The following SCAI variants were observed in gnomAD, a reference collection of about 807,000 sequenced individuals.
SCAI encodes protein SCAI.
A neutral mutation model predicts 92.2 loss-of-function variants in SCAI; 24 were observed. The observed-to-expected ratio is 0.26, with a 90% CI of 0.19 to 0.37. SCAI has a LOEUF of 0.37. Among genes scored for constraint, SCAI ranks in the 10% least tolerant of loss-of-function variants. The pLI is 1.00. For synonymous variants in SCAI, 261 were observed against 258.6 expected, an observed-to-expected ratio of 1.01 and a Z score of -0.09; for missense variants, 450 against 736.2, an observed-to-expected ratio of 0.61 and a Z score of 4.50.
In SCAI at chr9:125,091,381, C is replaced by G. The variant is rs1203217492; in HGVS notation, c.99-35374G>C. The stretch of plus-strand genomic sequence containing the variant: ...GGAATTAAGGTCTGTAATTTTCAAC[C>G]AAGAACCTTTCCTGGAACAATGCCG... On this transcript the variant is annotated intron_variant, in intron 2 of 17. Transcript: ENST00000336505. This position sits in a 1 kb window ranked among gnomAD's most constrained non-coding sequence, Gnocchi z 4.3. Among the ~76,000 whole-genome samples, 1 of 152,092 alleles carries G rather than the reference C, an allele frequency of 6.6e-6. No homozygotes were observed. The highest frequency in any genetic ancestry group is 1.5e-5 in the Non-Finnish European group (1 of 68,026).
intron 17 of SCAI, among the ~76,000 whole-genome samples, chr9:124,967,129 T>C (rs369516575): frequency 3.6e-4 from 55 of 152,256 alleles, no homozygotes; most frequent in African/African-American, 1.3e-3. Context: ...AATGAGGTAA[T>C]ATGGTATAAT....
At chr9:125,109,301 G>T (rs1834885052) in intron 2 of SCAI, among the ~76,000 whole-genome samples, 1 of 151,790 alleles carries the variant, frequency 6.6e-6, no homozygotes, top group Non-Finnish European at 1.5e-5. Flanking sequence ...CTCCACTATT[G>T]TCCTATGACC....
chr9:125,079,521 G>C lies in SCAI; in HGVS notation c.99-23514C>G, dbSNP rs567627856. ...AGTAAATAATTTTTCACACTTACTA[G>C]TTAAATGCTATACTGCCTAATCAAA... On this transcript the variant is annotated intron_variant, in intron 2 of 17. Coordinates refer to ENST00000336505, the MANE Select transcript of SCAI (RefSeq NM_001144877.3). 2.0e-5 allele frequency among the ~76,000 whole-genome samples: 3 copies of C among 152,042 alleles called. 1 individual carries two copies. In the South Asian group the frequency reaches 6.2e-4, roughly 31 times the overall value.
intron 17 of SCAI, among the ~76,000 whole-genome samples, chr9:124,963,194 T>C (rs1212778299): frequency 6.6e-6 from 1 of 151,266 alleles, no homozygotes; most frequent in African/African-American, 2.4e-5. Context: ...TGGAGTACAA[T>C]GGTGCAATCT....
In SCAI at chr9:125,091,785, A is replaced by G. The variant is rs151140743; in HGVS notation, c.99-35778T>C. On this transcript the variant is annotated intron_variant, in intron 2 of 17. Coordinates refer to ENST00000336505, the MANE Select transcript of SCAI (RefSeq NM_001144877.3). This position sits in a 1 kb window ranked among gnomAD's most constrained non-coding sequence, Gnocchi z 4.3. Reference sequence around the variant, plus strand: ...ATCTCATCCGCCATCCCCACTTTTCAGCTGATGGCAATTGTTTTATATTTC... The same window carrying G: ...ATCTCATCCGCCATCCCCACTTTTCGGCTGATGGCAATTGTTTTATATTTC... 6.3e-3 allele frequency among the ~76,000 whole-genome samples: 953 copies of G among 152,052 alleles called. 12 individuals carry two copies. Among genetic ancestry groups the G allele is most frequent in the African/African-American group, 0.021 (891 of 41,486 alleles).
At chr9:124,998,417 C>T (rs1427257008) in intron 13 of SCAI, among the ~76,000 whole-genome samples, 1 of 151,880 alleles carries the variant, frequency 6.6e-6, no homozygotes, top group African/African-American at 2.4e-5. Flanking sequence ...CGTGCCACTG[C>T]ACTCTAGCCT....
chr9:124,997,012 A>G (rs939847908), intron 13 of SCAI, among the ~76,000 whole-genome samples: 1 of 152,042 alleles, frequency 6.6e-6, no homozygotes, highest in Admixed American at 6.6e-5. Flanking sequence ...CCCTTTAACC[A>G]ACATCTCCCT....
chr9:124,975,741 A>G (rs1383913955), intron 15 of SCAI, among the ~76,000 whole-genome samples: 2 of 152,232 alleles, frequency 1.3e-5, no homozygotes, highest in Non-Finnish European at 2.9e-5. Flanking sequence ...AAGTCTTAAA[A>G]GATGCCTTGG....
chr9:125,126,026 A>G (rs986919475), intron 2 of SCAI, among the ~76,000 whole-genome samples: 9 of 151,976 alleles, frequency 5.9e-5, no homozygotes, highest in African/African-American at 2.2e-4. Context: ...CTTGGGTACA[A>G]TGAAGCCAGT....
intron 2 of SCAI, among the ~76,000 whole-genome samples, chr9:125,106,722 C>CT (rs34740170): frequency 0.024 from 2,673 of 113,300 alleles, 47 homozygotes; most frequent in Non-Finnish European, 0.033. Flanking sequence ...TTTTCTTTTC[C>CT]TTTTTTTTTT....
Position 124,951,751 on chromosome 9 carries a change from A to G in SCAI, c.*1056T>C, listed in dbSNP as rs758611104. ...AGGGAAGGAAAACACAAAAAAGAAA[A>G]ATCTTTATAATATACACTGAGTCCT... On this transcript the variant is annotated 3_prime_UTR_variant, in exon 18 of 18. Transcript: ENST00000336505. The G allele has an allele frequency of 6.6e-5, 10 of 152,138 alleles. No individual in the cohort carries two copies. Among genetic ancestry groups the G allele is most frequent in the Non-Finnish European group, 1.5e-4 (10 of 68,008 alleles). The allele number at this position is 152,138 out of a possible 1,614,324, so 9.4% of individuals were successfully genotyped here.
In SCAI at chr9:124,943,533, A is replaced by G. The variant is rs1353185986; in HGVS notation, c.*9274T>C. On this transcript the variant is annotated 3_prime_UTR_variant, in exon 18 of 18. Coordinates refer to ENST00000336505, the MANE Select transcript of SCAI (RefSeq NM_001144877.3). ...TCTTGAGGAGAGCTAATATAACTCT[A>G]TAATCCCTATAGTGTTAAAATTCTA... 6.6e-6 allele frequency: 1 copy of G among 152,242 alleles called. No homozygotes were observed. Among genetic ancestry groups the G allele is most frequent in the Non-Finnish European group, 1.5e-5 (1 of 68,038 alleles). The allele number at this position is 152,242 out of a possible 1,614,324, so 9.4% of individuals were successfully genotyped here. A position where few individuals can be genotyped will look rare whatever the true frequency, so the allele number is the denominator to read the frequency against.
intron 2 of SCAI, among the ~76,000 whole-genome samples, chr9:125,115,422 C>T (rs2131239578): frequency 7.2e-6 from 1 of 138,766 alleles, no homozygotes; most frequent in Non-Finnish European, 1.6e-5. Context: ...CACCAGAGTA[C>T]ACTTTCTAAA....
intron 9 of SCAI, among the ~76,000 whole-genome samples, chr9:125,005,574 A>G (rs994940431): frequency 6.6e-6 from 1 of 151,612 alleles, no homozygotes; most frequent in Non-Finnish European, 1.5e-5. Flanking sequence ...CAGATGACCC[A>G]CCTGCCTCGG....
At chr9:125,097,506 CAA>C (rs1426501638) in intron 2 of SCAI, among the ~76,000 whole-genome samples, 3 of 151,622 alleles carry the variant, frequency 2.0e-5, no homozygotes, top group Admixed American at 2.0e-4. Flanking sequence ...TTGAACTCCC[CAA>C]AGAGTTTAAA....
chr9:125,029,235 C>T (rs960939376), intron 4 of SCAI, among the ~76,000 whole-genome samples: 2 of 152,134 alleles, frequency 1.3e-5, no homozygotes, highest in South Asian at 4.1e-4. Flanking sequence ...GATTCTCGTG[C>T]CACAGCCTCC....
At chr9:124,965,974 T>C (rs1264108514) in intron 17 of SCAI, among the ~76,000 whole-genome samples, 1 of 152,178 alleles carries the variant, frequency 6.6e-6, no homozygotes, top group Non-Finnish European at 1.5e-5. Flanking sequence ...ATGACAGGCA[T>C]TCTAAGCAGT....
intron 5 of SCAI, 48 bp from the exon 6 acceptor site, chr9:125,026,958 C>T (rs1188539307): frequency 8.8e-7 from 1 of 1,132,932 alleles, no homozygotes. Context: ...AGAGACTCTT[C>T]ACCATGGTAA....
rs577998126 is a variant in SCAI at position 125,009,603 on chromosome 9, G to C, written c.862-6033C>G. ...CCCAGGGATTTTTATACTAGAAGAG[G>C]AAAAAGAGCATAGTGGCTCACACCC... On this transcript the variant is annotated intron_variant, in intron 9 of 17. Coordinates refer to ENST00000336505, the MANE Select transcript of SCAI (RefSeq NM_001144877.3). Among the ~76,000 whole-genome samples the C allele has an allele frequency of 2.0e-4, 31 of 152,014 alleles. No individual in the cohort carries two copies. In the South Asian group the frequency reaches 5.6e-3, roughly 28 times the overall value.
Sources: gnomAD v4.1 joint callset for allele counts (sites outside exome capture counted in the v4.1 genomes callset) on GRCh38, gnomAD v4.1.1 for gene constraint, Gnocchi (gnomAD v3.1) non-coding constraint, MANE v1.5 for transcripts, NCBI Gene and HGNC (gene_info 2026-07-23, HGNC 2026-07-21) for gene names.